The following ZSCAN30 variants were observed in gnomAD, a reference collection of about 807,000 sequenced individuals.
ZSCAN30 encodes zinc finger and SCAN domain containing 30, also known as zinc finger and SCAN domain-containing protein 30.
ZSCAN30 carries 37 observed loss-of-function variants against 44.3 expected under a neutral mutation model. The observed-to-expected ratio is 0.84, with a 90% CI of 0.64 to 1.10. The LOEUF is 1.10. ZSCAN30 is among the 50% of genes least tolerant of loss of function. The pLI, the probability that ZSCAN30 is intolerant of heterozygous loss-of-function variation, is 0.00. For synonymous variants in ZSCAN30, 181 were observed against 204.6 expected, an observed-to-expected ratio of 0.88 and a Z score of 0.98; for missense variants, 549 against 582.6, an observed-to-expected ratio of 0.94 and a Z score of 0.59.
At chr18:35,272,814 G>A (rs144055846) in intron 1 of ZSCAN30, among the ~76,000 whole-genome samples, 5 of 152,326 alleles carry the variant, frequency 3.3e-5, no homozygotes, top group East Asian at 3.8e-4. Context: ...ACAGTTACAC[G>A]TAGCTGGGGA....
intron 1 of ZSCAN30, among the ~76,000 whole-genome samples, chr18:35,285,713 T>C (rs1376601412): frequency 6.6e-6 from 1 of 152,048 alleles, no homozygotes; most frequent in Non-Finnish European, 1.5e-5. Flanking sequence ...AAGGCAGTAC[T>C]TAGGGGAAAA....
At chr18:35,278,764 C>A (rs2044407677) in intron 1 of ZSCAN30, among the ~76,000 whole-genome samples, 1 of 152,186 alleles carries the variant, frequency 6.6e-6, no homozygotes, top group Non-Finnish European at 1.5e-5. Flanking sequence ...GAAATATCCT[C>A]AGCTAAATAC....
At chr18:35,285,773 GAGGC>G (rs2044539051) in intron 1 of ZSCAN30, among the ~76,000 whole-genome samples, 1 of 151,302 alleles carries the variant, frequency 6.6e-6, no homozygotes, top group South Asian at 2.1e-4. Context: ...TTACAAATCA[GAGGC>G]CTCAACTTCC....
At chr18:35,270,983 C>T (rs549580667) in intron 1 of ZSCAN30, among the ~76,000 whole-genome samples, 103 of 152,256 alleles carry the variant, frequency 6.8e-4, no homozygotes, top group Non-Finnish European at 3.2e-4. Flanking sequence ...TTTGTTCCTT[C>T]CTCCCGTCCG....
chr18:35,254,508 T>A (rs942106419), intron 3 of ZSCAN30, 127 bp from the exon 4 acceptor site: 3 of 1,534,356 alleles, frequency 2.0e-6, no homozygotes, highest in Non-Finnish European at 2.6e-6. Context: ...AAAACTAGAT[T>A]CCCAATCTAG....
chr18:35,251,594 T>A lies in ZSCAN30; in HGVS notation c.*1856A>T, dbSNP rs974729148. The A allele has an allele frequency of 2.0e-5, 3 of 152,210 alleles. No individual in the cohort carries two copies. The East Asian group carries it at 5.8e-4, about 29-fold the overall frequency. The allele number at this position is 152,210 out of a possible 1,614,324, so 9.4% of individuals were successfully genotyped here. A position where few individuals can be genotyped will look rare whatever the true frequency, so the allele number is the denominator to read the frequency against. ...AGGGAGGGTCGTGGTGGGAGGTGAT[T>A]AGATCATGGGAGCAGATTTCCCCCT... On this transcript the variant is annotated 3_prime_UTR_variant, in exon 4 of 4. Transcript: ENST00000333206.
At chr18:35,277,292 G>A (rs1396947875) in intron 1 of ZSCAN30, among the ~76,000 whole-genome samples, 1 of 152,174 alleles carries the variant, frequency 6.6e-6, no homozygotes, top group African/African-American at 2.4e-5. Context: ...CTAAGACTTT[G>A]GGGGACTGTT....
chr18:35,278,893 T>C (rs1362979591), intron 1 of ZSCAN30, among the ~76,000 whole-genome samples: 1 of 152,194 alleles, frequency 6.6e-6, no homozygotes, highest in African/African-American at 2.4e-5. Flanking sequence ...TGTTCCTCCT[T>C]TCATCTGAGA....
At position 35,262,811 on chromosome 18, in the gene ZSCAN30, G is replaced by C. The variant is rs1047293; in HGVS notation, c.553+702C>G. On this transcript the variant is annotated intron_variant, in intron 3 of 3. Coordinates refer to ENST00000333206, the MANE Select transcript of ZSCAN30 (RefSeq NM_001112734.4). The stretch of plus-strand genomic sequence containing the variant: ...CAAGGCCTGGATCTAAGACCTGGCA[G>C]GAAAGGGGAAGTTGTGGCACCCTCC... The C allele has an allele frequency of 4.8e-3, 734 of 153,110 alleles. 2 individuals are homozygous for C. The highest frequency in any genetic ancestry group is 0.012 in the South Asian group (61 of 4,934). 9.5% of individuals were successfully genotyped at this position (153,110 alleles called of 1,614,324 possible).
At chr18:35,272,865 A>C (rs538590752) in intron 1 of ZSCAN30, among the ~76,000 whole-genome samples, 1 of 152,232 alleles carries the variant, frequency 6.6e-6, no homozygotes, top group African/African-American at 2.4e-5. Flanking sequence ...CATGTCTCAC[A>C]TGACAACAGC....
intron 1 of ZSCAN30, among the ~76,000 whole-genome samples, chr18:35,267,318 T>C (rs1029000382): frequency 3.9e-5 from 6 of 152,030 alleles, no homozygotes; most frequent in African/African-American, 1.4e-4. Context: ...TGGAAATGGA[T>C]GGCGGGACTG....
intron 3 of ZSCAN30, chr18:35,255,741 T>C (rs1306648317): frequency 1.9e-5 from 3 of 154,344 alleles, no homozygotes; most frequent in Middle Eastern, 1.0e-3. Flanking sequence ...GGCTTCCCGT[T>C]TTCCCCATTC....
intron 3 of ZSCAN30, chr18:35,258,801 T>TG (rs2043930821): frequency 7.5e-6 from 1 of 133,412 alleles, no homozygotes; most frequent in African/African-American, 2.9e-5. Context: ...ACCCAGGAGT[T>TG]GGAGGTTGTA....
intron 1 of ZSCAN30, among the ~76,000 whole-genome samples, chr18:35,274,416 A>G (rs1349707271): frequency 6.6e-6 from 1 of 152,216 alleles, no homozygotes; most frequent in Non-Finnish European, 1.5e-5. Context: ...TGGTCATCAC[A>G]AACCAGTTTT....
intron 3 of ZSCAN30, chr18:35,258,062 G>A: frequency 1.3e-6 from 1 of 769,988 alleles, no homozygotes; most frequent in Non-Finnish European, 2.4e-6. Flanking sequence ...TGTAAAAATG[G>A]CATGGTGACT....
Position 35,273,555 on chromosome 18 carries a change from A to T in ZSCAN30, c.-103-9100T>A, listed in dbSNP as rs537243684. ...ATTTTTGTATATGGTGTAAGGCAAG[A>T]GTCCAACTTCATTCCATTGTATGTA... On this transcript the variant is annotated intron_variant, in intron 1 of 3. Coordinates refer to ENST00000333206, the MANE Select transcript of ZSCAN30 (RefSeq NM_001112734.4). Among the ~76,000 whole-genome samples the T allele has an allele frequency of 1.9e-4, 29 of 152,358 alleles. No homozygotes were observed. The South Asian group carries it at 5.8e-3, about 30-fold the overall frequency.
rs149435277 is a variant in ZSCAN30 at position 35,277,490 on chromosome 18, G to A, written c.-104+12594C>T. On this transcript the variant is annotated intron_variant, in intron 1 of 3. Coordinates refer to ENST00000333206, the MANE Select transcript of ZSCAN30 (RefSeq NM_001112734.4). ...TCATGGGGACAGCTACCTCCATGCT[G>A]TTCTTATGACAGTGAGTTCTCATGA... is the stretch of plus-strand genomic sequence containing the variant. Among the ~76,000 whole-genome samples, 284 of 152,246 alleles carry A rather than the reference G, an allele frequency of 1.9e-3. 1 individual carries two copies. The highest frequency in any genetic ancestry group is 6.3e-3 in the African/African-American group (263 of 41,538).
intron 1 of ZSCAN30, among the ~76,000 whole-genome samples, chr18:35,271,207 C>G (rs2044267435): frequency 6.6e-6 from 1 of 152,200 alleles, no homozygotes; most frequent in Non-Finnish European, 1.5e-5. Context: ...GGCTTTTATT[C>G]CCTTATCTGG....
chr18:35,281,076 T>A (rs1179887125), intron 1 of ZSCAN30: 2 of 152,248 alleles, frequency 1.3e-5, no homozygotes, highest in South Asian at 4.1e-4. Context: ...AGATTGAGAA[T>A]CACTGCTCTA....
Sources: allele counts gnomAD v4.1 joint callset (sites outside exome capture counted in the v4.1 genomes callset), GRCh38; gene constraint gnomAD v4.1.1; transcripts MANE v1.5; gene names NCBI Gene and HGNC (gene_info 2026-07-23, HGNC 2026-07-21).